DPP6: variants seen among roughly 807,000 people sequenced by gnomAD.
DPP6 encodes the protein dipeptidyl peptidase like 6, also known as A-type potassium channel modulatory protein DPP6.
Under a neutral mutation model 122.6 loss-of-function variants are expected in DPP6, and 69 were observed. That is an observed-to-expected ratio of 0.56 (90% CI 0.46 to 0.69). DPP6 has a LOEUF of 0.69. Among genes scored for constraint, DPP6 ranks in the 30% least tolerant of loss-of-function variants. The pLI, the probability that DPP6 is intolerant of heterozygous loss-of-function variation, is 0.00. For missense variants in DPP6, 928 were observed against 1,116.9 expected (o/e 0.83, Z 2.41); for synonymous variants, 418 against 433.1 (o/e 0.97, Z 0.43).
At chr7:154,033,762 C>T (rs1484709716) in intron 1 of DPP6, among the ~76,000 whole-genome samples, 5 of 152,130 alleles carry the variant, frequency 3.3e-5, no homozygotes, top group Non-Finnish European at 7.3e-5. Context: ...TTTGGAAACC[C>T]AACAGGACCT....
intron 1 of DPP6, among the ~76,000 whole-genome samples, chr7:154,223,240 G>T (rs1800408656): frequency 6.7e-6 from 1 of 149,230 alleles, no homozygotes; most frequent in Non-Finnish European, 1.5e-5. Flanking sequence ...TCAGCACCAG[G>T]GTGCAACTCA....
At chr7:153,936,400 A>G (rs1205783654) in intron 1 of DPP6, among the ~76,000 whole-genome samples, 2 of 152,098 alleles carry the variant, frequency 1.3e-5, no homozygotes, top group African/African-American at 2.4e-5. Flanking sequence ...TGTTCTGGGG[A>G]GACCGCGAGC....
intron 1 of DPP6, among the ~76,000 whole-genome samples, chr7:153,938,539 G>A (rs1801560174): frequency 6.6e-6 from 1 of 152,184 alleles, no homozygotes; most frequent in Admixed American, 6.5e-5. Context: ...GAGCCTAATG[G>A]ATGAGTTGAG....
intron 1 of DPP6, among the ~76,000 whole-genome samples, chr7:153,891,296 A>T (rs919251127): frequency 6.6e-6 from 1 of 152,116 alleles, no homozygotes; most frequent in African/African-American, 2.4e-5. Flanking sequence ...TGCTGGGATT[A>T]CAGGCGTGAG....
rs1196173793 is a variant in DPP6 at position 154,129,913 on chromosome 7, G to A, written c.243+76850G>A. Among the ~76,000 whole-genome samples, 551 of 147,820 alleles carry A rather than the reference G, an allele frequency of 3.7e-3. 5 individuals are homozygous for A. The highest frequency in any genetic ancestry group is 0.013 in the African/African-American group (529 of 40,272). On this transcript the variant is annotated intron_variant, in intron 1 of 25. Transcript: ENST00000377770. ...AGACTCTGTCTCAAAAAAAAAAAAA[G>A]AAAAAGAAAAAAATTAGCTGGGCAT...
At chr7:154,054,721 C>T (rs1197009377) in intron 1 of DPP6, among the ~76,000 whole-genome samples, 1 of 150,576 alleles carries the variant, frequency 6.6e-6, no homozygotes, top group Non-Finnish European at 1.5e-5. Context: ...TACCGAGAAT[C>T]TTGGGGAAGA....
intron 1 of DPP6, among the ~76,000 whole-genome samples, chr7:154,192,767 C>T (rs917036433): frequency 1.6e-4 from 25 of 152,164 alleles, no homozygotes; most frequent in African/African-American, 6.0e-4. Context: ...TTTATAGAAT[C>T]TCGTGCAAAC....
At chr7:153,918,993 A>AAG (rs1017342943) in intron 1 of DPP6, among the ~76,000 whole-genome samples, 30 of 151,576 alleles carry the variant, frequency 2.0e-4, no homozygotes, top group East Asian at 7.8e-4. Context: ...AAAAAAAAAA[A>AAG]AAAAGAAAAT....
chr7:154,781,255 C>T (rs1026295244), intron 10 of DPP6, among the ~76,000 whole-genome samples: 34 of 152,082 alleles, frequency 2.2e-4, no homozygotes, highest in African/African-American at 7.7e-4. Context: ...AAATGAATGG[C>T]TGGGAAAAGG....
At chr7:154,705,818 G>T (rs974075758) in intron 7 of DPP6, among the ~76,000 whole-genome samples, 1 of 152,256 alleles carries the variant, frequency 6.6e-6, no homozygotes, top group African/African-American at 2.4e-5. Context: ...CATTAATCCA[G>T]TGAATATGAT....
chr7:154,559,570 G>T (rs1031516658), intron 4 of DPP6, among the ~76,000 whole-genome samples: 9 of 152,084 alleles, frequency 5.9e-5, no homozygotes, highest in Admixed American at 3.9e-4. Flanking sequence ...CTTAAGATGA[G>T]TGACAAATAG....
chr7:154,809,586 C>A (rs897856143), intron 16 of DPP6, among the ~76,000 whole-genome samples: 1 of 151,994 alleles, frequency 6.6e-6, no homozygotes, highest in Non-Finnish European at 1.5e-5. Context: ...CACAAGCATC[C>A]GGGTTAATAA....
At chr7:154,368,285 A>G (rs1047215555) in intron 1 of DPP6, among the ~76,000 whole-genome samples, 1 of 152,128 alleles carries the variant, frequency 6.6e-6, no homozygotes. Context: ...TGGACTTTTT[A>G]TTGGGGTGCT....
At chr7:154,103,589 G>T (rs1805917306) in intron 1 of DPP6, among the ~76,000 whole-genome samples, 1 of 152,250 alleles carries the variant, frequency 6.6e-6, no homozygotes, top group Non-Finnish European at 1.5e-5. Context: ...GTGATTTCTG[G>T]GTGTGTCGGT....
intron 1 of DPP6, among the ~76,000 whole-genome samples, chr7:154,179,442 T>G (rs563781457): frequency 8.9e-4 from 136 of 152,298 alleles, no homozygotes; most frequent in African/African-American, 3.2e-3. Flanking sequence ...TTAGAAGACT[T>G]TGGGCTGAAT....
At chr7:154,426,495 G>A (rs1586234879) in intron 1 of DPP6, among the ~76,000 whole-genome samples, 1 of 152,148 alleles carries the variant, frequency 6.6e-6, no homozygotes, top group East Asian at 1.9e-4. Context: ...AGACAGACAC[G>A]TGTAGAAAAT....
intron 1 of DPP6, among the ~76,000 whole-genome samples, chr7:154,079,165 A>G (rs1803805407): frequency 6.6e-6 from 1 of 152,090 alleles, no homozygotes; most frequent in African/African-American, 2.4e-5. Context: ...ACTGTACTCC[A>G]TCCTGGGGGA....
chr7:154,841,868 C>T (rs753860991), intron 16 of DPP6, among the ~76,000 whole-genome samples: 9 of 151,948 alleles, frequency 5.9e-5, no homozygotes, highest in Non-Finnish European at 8.8e-5. Context: ...CTGTGGGGCA[C>T]GGAGTGGAGG....
At chr7:154,750,513 C>G (rs1587019676) in intron 8 of DPP6, among the ~76,000 whole-genome samples, 1 of 152,332 alleles carries the variant, frequency 6.6e-6, no homozygotes, top group East Asian at 1.9e-4. Context: ...ACACTCTTTT[C>G]TCCTCCCACG....
Sources: gnomAD v4.1 joint callset for allele counts (sites outside exome capture counted in the v4.1 genomes callset) on GRCh38, gnomAD v4.1.1 for gene constraint, MANE v1.5 for transcripts, NCBI Gene and HGNC (gene_info 2026-07-23, HGNC 2026-07-21) for gene names.